The following PLCB1 variants were observed in gnomAD, a reference collection of about 807,000 sequenced individuals.
PLCB1 encodes phospholipase C beta 1, also known as 1-phosphatidylinositol 4,5-bisphosphate phosphodiesterase beta-1.
Under a neutral mutation model 161.8 loss-of-function variants are expected in PLCB1, and 46 were observed. The observed-to-expected ratio is 0.28, with a 90% CI of 0.22 to 0.36. The LOEUF is 0.36. Among genes scored for constraint, PLCB1 ranks in the 10% least tolerant of loss-of-function variants. PLCB1 has a pLI of 1.00. For synonymous variants in PLCB1, 517 were observed against 503.7 expected (o/e 1.03, Z -0.35); for missense variants, 1,016 against 1,472.5 (o/e 0.69, Z 5.07).
intron 3 of PLCB1, among the ~76,000 whole-genome samples, chr20:8,462,830 C>T (rs1438425651): frequency 2.0e-5 from 3 of 151,768 alleles, no homozygotes; most frequent in Admixed American, 6.6e-5. Flanking sequence ...CAAAACACTT[C>T]GTTTTCCTGA....
At chr20:8,823,621 T>C (rs1600357664) in intron 31 of PLCB1, among the ~76,000 whole-genome samples, 1 of 152,316 alleles carries the variant, frequency 6.6e-6, no homozygotes, top group African/African-American at 2.4e-5. Flanking sequence ...TTGACATACC[T>C]GTGGCCATTT....
chr20:8,212,624 A>G (rs1978886328), intron 2 of PLCB1, among the ~76,000 whole-genome samples: 1 of 152,148 alleles, frequency 6.6e-6, no homozygotes, highest in Admixed American at 6.6e-5. Context: ...CAAGCCACGT[A>G]GGCATACAAA....
chr20:8,760,285 C>T, intron 24 of PLCB1, 122 bp from the exon 25 acceptor site: 1 of 589,314 alleles, frequency 1.7e-6, no homozygotes, highest in Non-Finnish European at 3.0e-6. Flanking sequence ...AATTTTCTCA[C>T]ACAATTTGTC....
At chr20:8,617,863 T>C (rs1321053913) in intron 3 of PLCB1, among the ~76,000 whole-genome samples, 1 of 152,220 alleles carries the variant, frequency 6.6e-6, no homozygotes, top group East Asian at 1.9e-4. Context: ...TTTAATCCCA[T>C]ATCATATACT....
At chr20:8,766,661 T>A (rs901075942) in intron 26 of PLCB1, among the ~76,000 whole-genome samples, 1 of 152,176 alleles carries the variant, frequency 6.6e-6, no homozygotes, top group South Asian at 2.1e-4. Flanking sequence ...GAAATTGATA[T>A]GGCGAAATTT....
chr20:8,860,272 G>A (rs1987207716), intron 31 of PLCB1, among the ~76,000 whole-genome samples: 1 of 152,170 alleles, frequency 6.6e-6, no homozygotes, highest in Non-Finnish European at 1.5e-5. Context: ...TAGCTCCCAA[G>A]GGCCTACTGA....
At chr20:8,711,011 G>T (rs1002904712) in intron 12 of PLCB1, among the ~76,000 whole-genome samples, 1 of 152,086 alleles carries the variant, frequency 6.6e-6, no homozygotes, top group Non-Finnish European at 1.5e-5. Context: ...TATTTTACAT[G>T]CCTCAGCTCA....
At chr20:8,520,768 T>C (rs1984316848) in intron 3 of PLCB1, among the ~76,000 whole-genome samples, 1 of 152,206 alleles carries the variant, frequency 6.6e-6, no homozygotes, top group South Asian at 2.1e-4. Context: ...ATGTAGTCTT[T>C]GGGGTCTGGC....
At chr20:8,425,696 A>G (rs1979736355) in intron 3 of PLCB1, among the ~76,000 whole-genome samples, 1 of 152,212 alleles carries the variant, frequency 6.6e-6, no homozygotes, top group South Asian at 2.1e-4. Flanking sequence ...TTGCCTCTAA[A>G]TTAGGTGACT....
chr20:8,669,570 C>T (rs559573541), intron 9 of PLCB1, among the ~76,000 whole-genome samples: 6 of 152,144 alleles, frequency 3.9e-5, no homozygotes, highest in Non-Finnish European at 5.9e-5. Context: ...TTGAGTCTTG[C>T]TACCTGTGTC....
intron 31 of PLCB1, among the ~76,000 whole-genome samples, chr20:8,840,804 A>T (rs1986474029): frequency 6.6e-6 from 1 of 151,906 alleles, no homozygotes; most frequent in African/African-American, 2.4e-5. Flanking sequence ...TTAAATTTGA[A>T]ATCAGCTTTT....
chr20:8,818,708 T>A (rs1448712070), intron 31 of PLCB1, among the ~76,000 whole-genome samples: 1 of 152,148 alleles, frequency 6.6e-6, no homozygotes, highest in Non-Finnish European at 1.5e-5. Flanking sequence ...TATTATAACA[T>A]GCTTATGAAT....
intron 31 of PLCB1, among the ~76,000 whole-genome samples, chr20:8,840,886 A>T (rs1300322386): frequency 6.6e-6 from 1 of 152,078 alleles, no homozygotes; most frequent in African/African-American, 2.4e-5. Context: ...GTGCGATCTC[A>T]GCACACTGCA....
chr20:8,717,064 C>T (rs556874086), intron 13 of PLCB1, among the ~76,000 whole-genome samples: 9 of 152,262 alleles, frequency 5.9e-5, no homozygotes, highest in Non-Finnish European at 1.2e-4. Context: ...TTGATTTTCC[C>T]GTTAGATGTA....
intron 2 of PLCB1, among the ~76,000 whole-genome samples, chr20:8,292,810 A>ATG (rs1983446069): frequency 6.6e-6 from 1 of 152,194 alleles, no homozygotes; most frequent in South Asian, 2.1e-4. Flanking sequence ...GAGGTTTTTA[A>ATG]TGTTACATTT....
intron 3 of PLCB1, among the ~76,000 whole-genome samples, chr20:8,540,182 A>G (rs1284440201): frequency 1.3e-5 from 2 of 152,100 alleles, no homozygotes; most frequent in African/African-American, 2.4e-5. Flanking sequence ...TTTTTCATTT[A>G]TCTGGAAAAT....
At chr20:8,729,483 TA>T (rs1294128401) in intron 18 of PLCB1, 1 of 177,032 alleles carries the variant, frequency 5.6e-6, no homozygotes, top group African/African-American at 2.4e-5. Context: ...GTAAGTATTT[TA>T]AAAACAAACT....
chr20:8,317,131 A>G lies in PLCB1; in HGVS notation c.178-54251A>G, dbSNP rs116708866. Among the ~76,000 whole-genome samples the G allele has an allele frequency of 3.7e-3, 557 of 152,268 alleles. 5 individuals are homozygous for G. The highest frequency in any genetic ancestry group is 0.013 in the African/African-American group (522 of 41,558). On this transcript the variant is annotated intron_variant, in intron 2 of 31. Transcript: ENST00000338037. ...AGCTGGGAGGCCATGACAGTAATGTAGGTGAGCAGGGATAGAGGCTGAATG... is the reference window on the plus strand; with the variant it reads ...AGCTGGGAGGCCATGACAGTAATGTGGGTGAGCAGGGATAGAGGCTGAATG...
chr20:8,780,428 T>G (rs1983159149), intron 27 of PLCB1, among the ~76,000 whole-genome samples: 1 of 152,222 alleles, frequency 6.6e-6, no homozygotes, highest in Admixed American at 6.5e-5. Flanking sequence ...ACCGTATGTG[T>G]TATCCTCTGC....
Sources: allele counts gnomAD v4.1 joint callset (sites outside exome capture counted in the v4.1 genomes callset), GRCh38; gene constraint gnomAD v4.1.1; transcripts MANE v1.5; gene names NCBI Gene and HGNC (gene_info 2026-07-23, HGNC 2026-07-21).